ILDR1: variants seen among roughly 807,000 people sequenced by gnomAD.
ILDR1 encodes the protein immunoglobulin-like domain-containing receptor 1.
Under a neutral mutation model 62.4 loss-of-function variants are expected in ILDR1, and 56 were observed. That is an observed-to-expected ratio of 0.90 (90% CI 0.72 to 1.12). The LOEUF is 1.12. Among genes scored for constraint, ILDR1 ranks in the 50% most tolerant of loss-of-function variants. The pLI, the probability that ILDR1 is intolerant of heterozygous loss-of-function variation, is 0.00. For synonymous variants in ILDR1, 284 were observed against 277.8 expected (o/e 1.02, Z -0.22); for missense variants, 736 against 710.6 (o/e 1.04, Z -0.41).
At chr3:122,024,117 C>T (rs954143734), upstream of ILDR1, among the ~76,000 whole-genome samples, 3 of 151,758 alleles carry the variant, frequency 2.0e-5, no homozygotes, top group South Asian at 2.1e-4. Flanking sequence ...AGTAGTTCCC[C>T]GGAATGTTAA....
chr3:121,993,451 C>CGCCA lies in ILDR1; in HGVS notation c.1294_1297dup (p.Arg433LeufsTer51). The CGCCA allele has an allele frequency of 6.2e-7, 1 of 1,614,048 alleles. No individual in the cohort carries two copies. The highest frequency in any genetic ancestry group is 8.5e-7 in the Non-Finnish European group (1 of 1,179,994). On this transcript the variant is annotated frameshift_variant, in exon 7 of 8. Coordinates refer to ENST00000344209, the MANE Select transcript of ILDR1 (RefSeq NM_001199799.2). LOFTEE classifies it high-confidence loss of function. ...GCTCCTGAAAGGAGGGTGGCTCGGC[C>CGCCA]GCCAGCGTGCCTCACTGGATGAGGG... is the stretch of plus-strand genomic sequence containing the variant.
At chr3:122,021,262 G>C (rs1437557126) in intron 1 of ILDR1, among the ~76,000 whole-genome samples, 1 of 152,200 alleles carries the variant, frequency 6.6e-6, no homozygotes, top group Non-Finnish European at 1.5e-5. Context: ...TTGGAAAAGA[G>C]CTGAAAGAGC....
At chr3:122,029,381 C>T in the ILDR1 span, among the ~76,000 whole-genome samples, 1 of 151,874 alleles carries the variant, frequency 6.6e-6, no homozygotes, top group African/African-American at 2.4e-5. Context: ...GTGGTGCACA[C>T]CTGTAATCCC....
chr3:121,987,904 TGGCCTTTTGGG>T lies in ILDR1; in HGVS notation c.*452_*462del. 1 of 248,208 alleles carries T rather than the reference TGGCCTTTTGGG, an allele frequency of 4.0e-6. No homozygotes were observed. The highest frequency in any genetic ancestry group is 7.9e-6 in the Non-Finnish European group (1 of 126,030). 15.4% of individuals were successfully genotyped at this position (248,208 alleles called of 1,614,324 possible). A position where few individuals can be genotyped will look rare whatever the true frequency, so the allele number is the denominator to read the frequency against. ...CTCGAACTCTAACTTTTTTGTTTTTTGGCCTTTTGGGTTTTTTAGTAATGGGGACTTGCTCT... is the reference window on the plus strand; with the variant it reads ...CTCGAACTCTAACTTTTTTGTTTTTTTTTTTTAGTAATGGGGACTTGCTCT... On this transcript the variant is annotated 3_prime_UTR_variant, in exon 8 of 8. Transcript: ENST00000344209.
At chr3:122,031,228 T>C in the ILDR1 span, among the ~76,000 whole-genome samples, 1 of 152,230 alleles carries the variant, frequency 6.6e-6, no homozygotes, top group African/African-American at 2.4e-5. Flanking sequence ...GTTTCTTTAT[T>C]TGTAGCACCA....
At chr3:122,060,171 CTTAAA>C in the ILDR1 span, among the ~76,000 whole-genome samples, 6 of 152,164 alleles carry the variant, frequency 3.9e-5, no homozygotes, top group South Asian at 2.1e-4. Flanking sequence ...GATTACATCA[CTTAAA>C]TTAAGAGTAG....
At chr3:122,043,097 G>T in the ILDR1 span, among the ~76,000 whole-genome samples, 2 of 136,398 alleles carry the variant, frequency 1.5e-5, no homozygotes, top group South Asian at 2.6e-4. Flanking sequence ...TTTGTATAAG[G>T]TGTAAGGAAG....
the ILDR1 span, among the ~76,000 whole-genome samples, chr3:122,060,765 T>C: frequency 6.6e-6 from 1 of 152,186 alleles, no homozygotes; most frequent in Non-Finnish European, 1.5e-5. Context: ...GGATTTTGAG[T>C]GCACATAACA....
At chr3:122,025,964 G>T (rs757797421), upstream of ILDR1, among the ~76,000 whole-genome samples, 4 of 152,282 alleles carry the variant, frequency 2.6e-5, no homozygotes, top group African/African-American at 4.8e-5. Flanking sequence ...AGGGACATCT[G>T]CTCTAGGTTT....
chr3:122,060,167 A>G, the ILDR1 span, among the ~76,000 whole-genome samples: 29 of 152,298 alleles, frequency 1.9e-4, no homozygotes, highest in African/African-American at 6.3e-4. Context: ...ACAGGATTAC[A>G]TCACTTAAAT....
At chr3:122,030,878 T>C in the ILDR1 span, among the ~76,000 whole-genome samples, 2 of 152,220 alleles carry the variant, frequency 1.3e-5, no homozygotes, top group African/African-American at 2.4e-5. Flanking sequence ...CAGCCAGAGC[T>C]GAGAAGCTAG....
intron 5 of ILDR1, among the ~76,000 whole-genome samples, chr3:121,995,055 A>C (rs2071416339): frequency 6.6e-6 from 1 of 152,214 alleles, no homozygotes; most frequent in South Asian, 2.1e-4. Context: ...TCATATAAAA[A>C]AAGTAGTGCA....
rs560219760 is a variant in ILDR1, at chr3:121,990,973, G to A, written c.1599+2177C>T. Among the ~76,000 whole-genome samples, 67 of 152,262 alleles carry A rather than the reference G, an allele frequency of 4.4e-4. 1 individual carries two copies. The highest frequency in any genetic ancestry group is 5.9e-4 in the Admixed American group (9 of 15,302). ...TCCCAGCACTTTGGGAGGTCGAGGC[G>A]GGCAGATCACGAGGTCAAGAGATCG... On this transcript the variant is annotated intron_variant, in intron 7 of 7. Coordinates refer to ENST00000344209, the MANE Select transcript of ILDR1 (RefSeq NM_001199799.2).
upstream of ILDR1, among the ~76,000 whole-genome samples, chr3:122,023,534 C>A (rs1368082408): frequency 1.3e-5 from 2 of 152,058 alleles, no homozygotes; most frequent in Non-Finnish European, 2.9e-5. Flanking sequence ...TGTGAGGGGG[C>A]CCCTTACCCT....
chr3:122,059,404 A>G, the ILDR1 span, among the ~76,000 whole-genome samples: 1 of 151,968 alleles, frequency 6.6e-6, no homozygotes, highest in Non-Finnish European at 1.5e-5. Flanking sequence ...ATAGAAATCA[A>G]GTGGGCCTGT....
intron 3 of ILDR1, among the ~76,000 whole-genome samples, chr3:122,002,281 G>C (rs1248260416): frequency 6.6e-6 from 1 of 152,168 alleles, no homozygotes; most frequent in South Asian, 2.1e-4. Context: ...AGACTCAAAG[G>C]AACTGGCCTA....
chr3:122,050,545 T>TCCCCC, the ILDR1 span, among the ~76,000 whole-genome samples: 2 of 142,594 alleles, frequency 1.4e-5, no homozygotes, highest in African/African-American at 5.2e-5. Context: ...TGCTTTTACT[T>TCCCCC]CCCCCCCCCC....
At chr3:122,035,382 C>G in the ILDR1 span, among the ~76,000 whole-genome samples, 2 of 152,090 alleles carry the variant, frequency 1.3e-5, no homozygotes, top group African/African-American at 4.8e-5. Context: ...GAATGGAAAC[C>G]TAGGATAATC....
the ILDR1 span, chr3:122,055,393 AAAGCTTTGCT>A: frequency 8.1e-7 from 1 of 1,232,770 alleles, no homozygotes; most frequent in South Asian, 1.2e-5. Context: ...GCACAGGGTG[AAAGCTTTGCT>A]TCTCTGCTGC....
Sources: allele counts gnomAD v4.1 joint callset (sites outside exome capture counted in the v4.1 genomes callset), GRCh38; gene constraint gnomAD v4.1.1; transcripts MANE v1.5; gene names NCBI Gene and HGNC (gene_info 2026-07-23, HGNC 2026-07-21).